Variants in SUMF1 observed in about 807,000 individuals in gnomAD.
SUMF1 encodes sulfatase modifying factor 1, also known as formylglycine-generating enzyme.
In SUMF1, 48 loss-of-function variants were observed where a neutral mutation model predicts 47.6. That is an observed-to-expected ratio of 1.01 (90% CI 0.80 to 1.28). The LOEUF is 1.28. SUMF1 is among the 50% of genes most tolerant of loss of function. The pLI is 0.00. For missense variants in SUMF1, 571 were observed against 485.4 expected, an observed-to-expected ratio of 1.18 and a Z score of -1.66; for synonymous variants, 230 against 192.1, an observed-to-expected ratio of 1.20 and a Z score of -1.63.
intron 8 of SUMF1, among the ~76,000 whole-genome samples, chr3:4,239,845 T>G (rs1168539812): frequency 6.6e-6 from 1 of 152,224 alleles, no homozygotes; most frequent in Admixed American, 6.5e-5. Flanking sequence ...CCTTGTCTTA[T>G]GCTGGTTTTC....
intron 8 of SUMF1, among the ~76,000 whole-genome samples, chr3:4,079,985 C>T (rs1031893777): frequency 6.6e-6 from 1 of 151,868 alleles, no homozygotes; most frequent in African/African-American, 2.4e-5. Flanking sequence ...CAAAGCACTG[C>T]TCTCTGGACT....
intron 8 of SUMF1, among the ~76,000 whole-genome samples, chr3:4,280,892 T>C (rs972385044): frequency 2.0e-5 from 3 of 151,190 alleles, no homozygotes; most frequent in African/African-American, 7.3e-5. Context: ...AAACTTCTTT[T>C]TTTGATAAGG....
chr3:4,373,359 T>C (rs183871986), intron 8 of SUMF1, among the ~76,000 whole-genome samples: 1 of 151,974 alleles, frequency 6.6e-6, no homozygotes, highest in African/African-American at 2.4e-5. Context: ...TCAAATGAAA[T>C]GGACAAATTC....
chr3:4,379,143 C>T lies in SUMF1; in HGVS notation c.955-2754G>A, dbSNP rs370679266. ...TAATTAACTAAAACTGTTTGAAATGCTTGCCACTTTGCCAAAAAACAGAAA... is the reference window on the plus strand; with the variant it reads ...TAATTAACTAAAACTGTTTGAAATGTTTGCCACTTTGCCAAAAAACAGAAA... On this transcript the variant is annotated intron_variant, in intron 7 of 8. Transcript: ENST00000272902. 8.3e-4 allele frequency among the ~76,000 whole-genome samples: 126 copies of T among 152,304 alleles called. 1 individual carries two copies. Among genetic ancestry groups the T allele is most frequent in the African/African-American group, 2.9e-3 (120 of 41,574 alleles).
intron 9 of SUMF1, among the ~76,000 whole-genome samples, chr3:4,040,860 T>C (rs574727367): frequency 6.6e-6 from 1 of 152,278 alleles, no homozygotes; most frequent in East Asian, 1.9e-4. Context: ...TTGAACTCTT[T>C]ATGGACTGAG....
Position 4,422,921 on chromosome 3 carries a change from C to T in SUMF1, c.520-2775G>A, listed in dbSNP as rs551856228. Among the ~76,000 whole-genome samples, 11 of 150,950 alleles carry T rather than the reference C, an allele frequency of 7.3e-5. No individual in the cohort carries two copies. In the South Asian group the frequency reaches 2.1e-3, roughly 29 times the overall value. On this transcript the variant is annotated intron_variant, in intron 3 of 8. Coordinates refer to ENST00000272902, the MANE Select transcript of SUMF1 (RefSeq NM_182760.4). ...CATCTCCTAAGCAGTATACACTGAACCCAATTTGTAGTCTTTTATCACTTC... is the reference window on the plus strand; with the variant it reads ...CATCTCCTAAGCAGTATACACTGAATCCAATTTGTAGTCTTTTATCACTTC...
chr3:4,453,695 G>T (rs949703428), intron 1 of SUMF1, among the ~76,000 whole-genome samples: 1 of 151,858 alleles, frequency 6.6e-6, no homozygotes. Context: ...CACCATGCCC[G>T]GCTAATTTTT....
intron 8 of SUMF1, among the ~76,000 whole-genome samples, chr3:4,228,548 C>G (rs1559589614): frequency 6.6e-6 from 1 of 152,158 alleles, no homozygotes; most frequent in Non-Finnish European, 1.5e-5. Context: ...TCTGCCCTCA[C>G]CTTTATGCGG....
intron 8 of SUMF1, among the ~76,000 whole-genome samples, chr3:4,147,954 G>A (rs1403657123): frequency 6.6e-5 from 10 of 152,010 alleles, no homozygotes; most frequent in East Asian, 5.8e-4. Context: ...AAGCAGCTCC[G>A]CACTATGCTA....
intron 8 of SUMF1, among the ~76,000 whole-genome samples, chr3:4,069,746 T>A (rs74283041): frequency 0.098 from 14,894 of 152,154 alleles, 1,487 homozygotes; most frequent in African/African-American, 0.23. Context: ...ATTCTATATA[T>A]CATGACTTAC....
intron 3 of SUMF1, among the ~76,000 whole-genome samples, chr3:4,427,938 T>C (rs1702117205): frequency 6.6e-6 from 1 of 152,184 alleles, no homozygotes; most frequent in African/African-American, 2.4e-5. Flanking sequence ...CAGGGGGAAC[T>C]GATTTGGGGC....
rs138755227 is a variant in SUMF1, at chr3:4,264,047, C to T, written c.1014+112283G>A. ...GAAGTTTATCATTTTATTTCCTTCT[C>T]CTAGTGACAAAAGAGAAGAGGAAAA... On this transcript the variant is annotated intron_variant and NMD_transcript_variant, in intron 8 of 12. Transcript: ENST00000448413. 2.5e-3 allele frequency among the ~76,000 whole-genome samples: 384 copies of T among 152,208 alleles called. 1 individual carries two copies. Among genetic ancestry groups the T allele is most frequent in the Non-Finnish European group, 4.7e-3 (317 of 68,012 alleles).
intron 2 of SUMF1, among the ~76,000 whole-genome samples, chr3:4,450,656 AAAC>A (rs1702938655): frequency 6.6e-6 from 1 of 152,170 alleles, no homozygotes; most frequent in Non-Finnish European, 1.5e-5. Flanking sequence ...AAATCAAGCC[AAAC>A]AACGAATGGA....
intron 8 of SUMF1, among the ~76,000 whole-genome samples, chr3:4,372,197 A>G (rs1700190174): frequency 6.6e-6 from 1 of 152,124 alleles, no homozygotes; most frequent in South Asian, 2.1e-4. Context: ...GCTACTCAGG[A>G]AGCTGAGGCA....
At chr3:4,348,657 G>A (rs1321092424) in intron 8 of SUMF1, among the ~76,000 whole-genome samples, 1 of 151,526 alleles carries the variant, frequency 6.6e-6, no homozygotes, top group East Asian at 1.9e-4. Flanking sequence ...CTGAGATCAG[G>A]AGTTTGAGGC....
intron 8 of SUMF1, among the ~76,000 whole-genome samples, chr3:4,079,847 G>A (rs1439524586): frequency 6.6e-6 from 1 of 151,306 alleles, no homozygotes; most frequent in Admixed American, 6.6e-5. Flanking sequence ...AGATGGAGAA[G>A]CTGAAGCTGC....
intron 8 of SUMF1, among the ~76,000 whole-genome samples, chr3:4,174,144 CAGG>C (rs1363738143): frequency 1.4e-4 from 21 of 152,076 alleles, no homozygotes; most frequent in African/African-American, 4.8e-4. Context: ...ATCATGAGGT[CAGG>C]AGATCGAGAG....
chr3:4,446,304 C>T lies in SUMF1; in HGVS notation c.519+2962G>A, dbSNP rs573153739. Among the ~76,000 whole-genome samples the T allele has an allele frequency of 1.8e-4, 27 of 152,272 alleles. 1 individual carries two copies. Among genetic ancestry groups the T allele is most frequent in the East Asian group, 1.5e-3 (8 of 5,172 alleles). On this transcript the variant is annotated intron_variant, in intron 3 of 8. Coordinates refer to ENST00000272902, the MANE Select transcript of SUMF1 (RefSeq NM_182760.4). ...TTGCCATGATAGTAAATAAGTCTCA[C>T]GAGATCTGATGGTTTTATAAAGGGC...
intron 8 of SUMF1, among the ~76,000 whole-genome samples, chr3:4,182,312 T>A (rs975682616): frequency 1.3e-5 from 2 of 151,626 alleles, no homozygotes; most frequent in African/African-American, 4.8e-5. Context: ...GGTTATTCTA[T>A]TGGCATTTAT....
Sources: allele counts gnomAD v4.1 joint callset (sites outside exome capture counted in the v4.1 genomes callset), GRCh38; gene constraint gnomAD v4.1.1; transcripts MANE v1.5; gene names NCBI Gene and HGNC (gene_info 2026-07-23, HGNC 2026-07-21).